MAGI1: variants seen among roughly 807,000 people sequenced by gnomAD.
MAGI1 encodes membrane associated guanylate kinase, WW and PDZ domain containing 1, also known as membrane-associated guanylate kinase, WW and PDZ domain-containing protein 1.
Under a neutral mutation model 139.9 loss-of-function variants are expected in MAGI1, and 58 were observed. That is an observed-to-expected ratio of 0.41 (90% CI 0.34 to 0.52). The LOEUF is 0.52. Among genes scored for constraint, MAGI1 ranks in the 20% least tolerant of loss-of-function variants. The pLI, the probability that MAGI1 is intolerant of heterozygous loss-of-function variation, is 0.12. For missense variants in MAGI1, 1,874 were observed against 1,901.6 expected (o/e 0.99, Z 0.27); for synonymous variants, 812 against 737.9 (o/e 1.10, Z -1.63).
intron 2 of MAGI1, among the ~76,000 whole-genome samples, chr3:65,610,807 ATATATAG>A (rs1056945361): frequency 1.8e-5 from 2 of 110,104 alleles, no homozygotes; most frequent in African/African-American, 3.3e-5. Flanking sequence ...ATATATAGGT[ATATATAG>A]TATATAGTAT....
chr3:66,000,757 G>C (rs560907410), intron 1 of MAGI1, among the ~76,000 whole-genome samples: 1 of 152,238 alleles, frequency 6.6e-6, no homozygotes, highest in South Asian at 2.1e-4. Flanking sequence ...GTCCATGGCA[G>C]GGCAACATCC....
intron 2 of MAGI1, among the ~76,000 whole-genome samples, chr3:65,593,504 G>A (rs1213455914): frequency 6.6e-6 from 1 of 152,124 alleles, no homozygotes; most frequent in Non-Finnish European, 1.5e-5. Context: ...ACTTCCAATA[G>A]AATATAGGAT....
chr3:65,624,188 C>G (rs2083839622), intron 1 of MAGI1, among the ~76,000 whole-genome samples: 2 of 152,238 alleles, frequency 1.3e-5, no homozygotes, highest in South Asian at 4.1e-4. Flanking sequence ...CATAATGGTT[C>G]GTCCTCTTAG....
At chr3:65,970,204 T>C (rs1459924028) in intron 1 of MAGI1, among the ~76,000 whole-genome samples, 3 of 152,190 alleles carry the variant, frequency 2.0e-5, no homozygotes, top group African/African-American at 7.2e-5. Flanking sequence ...GTGAATAACC[T>C]TGAAGACATT....
At chr3:65,866,552 A>G (rs954476325) in intron 1 of MAGI1, among the ~76,000 whole-genome samples, 3 of 152,128 alleles carry the variant, frequency 2.0e-5, no homozygotes, top group Non-Finnish European at 2.9e-5. Flanking sequence ...CAGCACAGAA[A>G]GACCAGGCAA....
chr3:65,530,609 T>C (rs11921241), intron 2 of MAGI1, among the ~76,000 whole-genome samples: 144,746 of 145,394 alleles, frequency 1, 72,052 homozygotes, highest in East Asian at 1. Flanking sequence ...GCAAGACACA[T>C]ACGTATGTGT....
At chr3:65,917,437 C>T (rs1051713870) in intron 1 of MAGI1, among the ~76,000 whole-genome samples, 5 of 152,164 alleles carry the variant, frequency 3.3e-5, no homozygotes, top group African/African-American at 1.2e-4. Context: ...ATCTAGCTAG[C>T]AATCATGTTC....
intron 1 of MAGI1, among the ~76,000 whole-genome samples, chr3:65,756,511 G>A (rs1379822166): frequency 6.6e-6 from 1 of 152,110 alleles, no homozygotes. Flanking sequence ...GACAGAACAG[G>A]AGCATGGCTT....
At chr3:65,684,790 C>A (rs927208836) in intron 1 of MAGI1, among the ~76,000 whole-genome samples, 14 of 151,990 alleles carry the variant, frequency 9.2e-5, no homozygotes, top group Admixed American at 7.9e-4. Flanking sequence ...TAGCCTCAAC[C>A]TCCCAGGCTC....
At chr3:65,376,426 T>A (rs1275251404) in intron 17 of MAGI1, among the ~76,000 whole-genome samples, 1 of 152,180 alleles carries the variant, frequency 6.6e-6, no homozygotes, top group Non-Finnish European at 1.5e-5. Context: ...AGAAAAATAA[T>A]CACTGGGCAT....
At chr3:65,478,940 T>C in intron 3 of MAGI1, 142 bp from the exon 4 acceptor site, 1 of 657,862 alleles carries the variant, frequency 1.5e-6, no homozygotes. Context: ...ATTTCTGGAG[T>C]GGGTTAGAAG....
At chr3:65,526,121 T>G (rs78748807) in intron 2 of MAGI1, among the ~76,000 whole-genome samples, 3,446 of 152,298 alleles carry the variant, frequency 0.023, 59 homozygotes, top group Non-Finnish European at 0.037. Flanking sequence ...GATTTGCAAG[T>G]GAGAAATATT....
At chr3:65,826,119 T>C (rs181430606) in intron 1 of MAGI1, among the ~76,000 whole-genome samples, 1 of 152,182 alleles carries the variant, frequency 6.6e-6, no homozygotes, top group East Asian at 1.9e-4. Context: ...GGTATACACA[T>C]ATACATGCAT....
In MAGI1 at chr3:65,641,634, AGAGTGGTACGG is replaced by A. The variant is rs1364567593; in HGVS notation, c.314-19557_314-19547del. ...ATATAAGACTCTGAACCAGGTGCAG[AGAGTGGTACGG>A]GAGTGAAGAACATCAATGAGATAAG... On this transcript the variant is annotated intron_variant, in intron 1 of 22. Transcript: ENST00000402939. Among the ~76,000 whole-genome samples the A allele has an allele frequency of 3.3e-5, 5 of 152,228 alleles. No individual in the cohort carries two copies. In the East Asian group the frequency reaches 9.6e-4, roughly 29 times the overall value.
chr3:65,856,263 T>C (rs915664382), intron 1 of MAGI1, among the ~76,000 whole-genome samples: 1 of 152,088 alleles, frequency 6.6e-6, no homozygotes, highest in Non-Finnish European at 1.5e-5. Context: ...CAAAAGGGAA[T>C]AGAAGACTCC....
chr3:65,607,638 T>A (rs1290551223), intron 2 of MAGI1, among the ~76,000 whole-genome samples: 1 of 152,228 alleles, frequency 6.6e-6, no homozygotes, highest in Non-Finnish European at 1.5e-5. Context: ...ATGTGCTCCC[T>A]ACTACTACCC....
intron 1 of MAGI1, among the ~76,000 whole-genome samples, chr3:65,819,214 G>A: frequency 6.6e-6 from 1 of 152,160 alleles, no homozygotes; most frequent in East Asian, 1.9e-4. Context: ...AACCTGGGAG[G>A]CGGAGGTTGC....
intron 1 of MAGI1, among the ~76,000 whole-genome samples, chr3:65,994,964 T>C (rs1247467570): frequency 1.3e-5 from 2 of 151,978 alleles, no homozygotes; most frequent in Non-Finnish European, 2.9e-5. Context: ...AATTAACTCA[T>C]TGTTTCCCTT....
intron 2 of MAGI1, among the ~76,000 whole-genome samples, chr3:65,541,972 A>G (rs2079251137): frequency 1.3e-5 from 2 of 152,190 alleles, no homozygotes; most frequent in South Asian, 4.1e-4. Context: ...GAAAAGAAGA[A>G]GTCAAATTGT....
Sources: allele counts gnomAD v4.1 joint callset (sites outside exome capture counted in the v4.1 genomes callset), GRCh38; gene constraint gnomAD v4.1.1; transcripts MANE v1.5; gene names NCBI Gene and HGNC (gene_info 2026-07-23, HGNC 2026-07-21).